EHBP1: variants seen among roughly 807,000 people sequenced by gnomAD.
EHBP1 encodes EH domain-binding protein 1.
EHBP1 carries 55 observed loss-of-function variants against 144.0 expected under a neutral mutation model. The observed-to-expected ratio is 0.38, with a 90% CI of 0.31 to 0.48. EHBP1 has a LOEUF of 0.48. EHBP1 is among the 20% of genes least tolerant of loss of function. EHBP1 has a pLI of 0.98. For missense variants in EHBP1, 1,200 were observed against 1,364.2 expected (o/e 0.88, Z 1.90); for synonymous variants, 469 against 472.7 (o/e 0.99, Z 0.10).
chr2:62,760,861 G>C (rs1285474787), intron 3 of EHBP1, among the ~76,000 whole-genome samples: 1 of 152,152 alleles, frequency 6.6e-6, no homozygotes, highest in Non-Finnish European at 1.5e-5. Context: ...ATCTGAATTA[G>C]ATCTAAAGAT....
rs573883105 is a variant in EHBP1 at position 62,794,964 on chromosome 2, A to C, written c.312+23572A>C. On this transcript the variant is annotated intron_variant, in intron 5 of 22. Coordinates refer to ENST00000431489, the MANE Select transcript of EHBP1 (RefSeq NM_001142616.3). ...AAAGTGAAATATTTCCTTAACACTA[A>C]CACAAGTTGGTTCTCAGCCAAACCA... Among the ~76,000 whole-genome samples, 11 of 152,198 alleles carry C rather than the reference A, an allele frequency of 7.2e-5. No homozygotes were observed. In the South Asian group the frequency reaches 2.3e-3, roughly 32 times the overall value.
intron 19 of EHBP1, among the ~76,000 whole-genome samples, chr2:63,003,417 C>T (rs890020769): frequency 6.6e-6 from 1 of 151,888 alleles, no homozygotes; most frequent in Non-Finnish European, 1.5e-5. Context: ...TACACAGAGC[C>T]GTTCACAGCG....
intron 3 of EHBP1, among the ~76,000 whole-genome samples, chr2:62,761,210 T>G (rs1443422023): frequency 1.3e-5 from 2 of 152,090 alleles, no homozygotes; most frequent in East Asian, 1.9e-4. Flanking sequence ...AGTTTTTGTT[T>G]TAGGGCTGTC....
At chr2:63,013,523 C>T (rs534792953) in intron 19 of EHBP1, among the ~76,000 whole-genome samples, 8 of 152,078 alleles carry the variant, frequency 5.3e-5, no homozygotes, top group African/African-American at 1.7e-4. Flanking sequence ...TGAAACCCCC[C>T]CAAAAGACAA....
chr2:63,031,526 A>G (rs772800876), intron 19 of EHBP1, among the ~76,000 whole-genome samples: 26 of 152,206 alleles, frequency 1.7e-4, no homozygotes, highest in Non-Finnish European at 3.4e-4. Flanking sequence ...TCATCTGTAG[A>G]TTGTCAAGAT....
chr2:62,820,165 C>T (rs1049463365), intron 5 of EHBP1, among the ~76,000 whole-genome samples: 30 of 144,670 alleles, frequency 2.1e-4, no homozygotes, highest in Non-Finnish European at 4.0e-4. Flanking sequence ...GAAATGAGAT[C>T]GTGCCAATGC....
chr2:62,892,498 C>T (rs1169169512), intron 10 of EHBP1, among the ~76,000 whole-genome samples: 1 of 152,002 alleles, frequency 6.6e-6, no homozygotes, highest in African/African-American at 2.4e-5. Context: ...TGTCATTTGG[C>T]TTGACTTTAA....
At chr2:62,848,834 A>T (rs2048482187) in intron 7 of EHBP1, among the ~76,000 whole-genome samples, 1 of 152,252 alleles carries the variant, frequency 6.6e-6, no homozygotes, top group Non-Finnish European at 1.5e-5. Flanking sequence ...AGCTTGGGTC[A>T]CATGGGTGTA....
chr2:62,833,774 A>G (rs1035325936), intron 7 of EHBP1, among the ~76,000 whole-genome samples: 3 of 152,196 alleles, frequency 2.0e-5, no homozygotes, highest in Non-Finnish European at 2.9e-5. Flanking sequence ...TAAGAAATAC[A>G]TTTTATAAGG....
At chr2:62,735,486 T>C (rs2038038469) in intron 2 of EHBP1, among the ~76,000 whole-genome samples, 1 of 152,168 alleles carries the variant, frequency 6.6e-6, no homozygotes, top group Non-Finnish European at 1.5e-5. Context: ...ATACACACTA[T>C]GTATATTAAC....
intron 2 of EHBP1, among the ~76,000 whole-genome samples, chr2:62,729,869 T>C (rs1300997718): frequency 6.6e-6 from 1 of 151,876 alleles, no homozygotes; most frequent in Non-Finnish European, 1.5e-5. Flanking sequence ...TTTGTTGTCC[T>C]GAGGTTTTTG....
chr2:63,037,480 C>T, intron 19 of EHBP1, 55 bp from the exon 20 acceptor site: 3 of 1,154,866 alleles, frequency 2.6e-6, no homozygotes, highest in Non-Finnish European at 3.8e-6. Flanking sequence ...TGCTAAACTA[C>T]TATTTGGCTT....
chr2:63,006,665 T>G (rs2060048913), intron 19 of EHBP1, among the ~76,000 whole-genome samples: 1 of 151,868 alleles, frequency 6.6e-6, no homozygotes, highest in Non-Finnish European at 1.5e-5. Context: ...GAGATTTTCT[T>G]AAAAGATAAG....
chr2:63,025,468 A>G (rs2710649), intron 19 of EHBP1, among the ~76,000 whole-genome samples: 150,913 of 152,322 alleles, frequency 0.99, 74,757 homozygotes, highest in Middle Eastern at 1. Flanking sequence ...GCCTTGCTAT[A>G]TTCAGGCTGG....
intron 14 of EHBP1, among the ~76,000 whole-genome samples, chr2:62,975,887 T>TATACAC (rs1446154644): frequency 2.6e-4 from 32 of 123,752 alleles, no homozygotes; most frequent in African/African-American, 9.0e-4. Flanking sequence ...TTACTGTATG[T>TATACAC]ACACACACAC....
chr2:62,862,072 G>A (rs1423842939), intron 8 of EHBP1, among the ~76,000 whole-genome samples: 1 of 152,128 alleles, frequency 6.6e-6, no homozygotes, highest in Non-Finnish European at 1.5e-5. Context: ...TTCTAGTGGT[G>A]TTAAGTTTGA....
intron 5 of EHBP1, among the ~76,000 whole-genome samples, chr2:62,808,794 T>C (rs2044712020): frequency 6.6e-6 from 1 of 152,196 alleles, no homozygotes; most frequent in African/African-American, 2.4e-5. Context: ...TTCCTATGAT[T>C]AGGTTTCAGT....
intron 19 of EHBP1, among the ~76,000 whole-genome samples, chr2:63,024,121 G>A (rs773246377): frequency 1.6e-4 from 24 of 152,102 alleles, no homozygotes; most frequent in Non-Finnish European, 2.9e-4. Context: ...CAAGGTGGGC[G>A]GATCATGAGG....
rs1237602575 is a variant in EHBP1, at chr2:62,789,720, A to G, written c.312+18328A>G. ...GGCAGTCTCATACCCAATGCTGAAT[A>G]CAGTGTTCCAGCCTGGTGCCTTTCA... is the stretch of plus-strand genomic sequence containing the variant. On this transcript the variant is annotated intron_variant, in intron 5 of 22. Transcript: ENST00000431489. Among the ~76,000 whole-genome samples the G allele has an allele frequency of 4.6e-5, 7 of 152,310 alleles. No homozygotes were observed. In the East Asian group the frequency reaches 1.2e-3, roughly 25 times the overall value.
Sources: gnomAD v4.1 joint callset for allele counts (sites outside exome capture counted in the v4.1 genomes callset) on GRCh38, gnomAD v4.1.1 for gene constraint, MANE v1.5 for transcripts, NCBI Gene and HGNC (gene_info 2026-07-23, HGNC 2026-07-21) for gene names.